Variants in SLC16A2 observed in about 807,000 individuals in gnomAD.
SLC16A2 encodes monocarboxylate transporter 8.
Under a neutral mutation model 27.2 loss-of-function variants are expected in SLC16A2, and 3 were observed. The observed-to-expected ratio is 0.11, with a 90% CI of 0.05 to 0.28. The LOEUF (loss-of-function observed/expected upper bound fraction) is 0.28. Among genes scored for constraint, SLC16A2 ranks in the 10% least tolerant of loss-of-function variants. The probability of loss-of-function intolerance (pLI) is 1.00; values close to 1 mark genes in which losing one functional copy is unlikely to be tolerated. For synonymous variants in SLC16A2, 202 were observed against 187.8 expected (o/e 1.08, Z -0.62); for missense variants, 295 against 458.5 (o/e 0.64, Z 3.26).
intron 1 of SLC16A2, among the ~76,000 whole-genome samples, chrX:74,499,746 G>A (rs1370566261): frequency 4.5e-5 from 5 of 111,509 alleles, no homozygotes; most frequent in South Asian, 3.7e-4. Flanking sequence ...GAGCCACCAC[G>A]CCCCATCATC....
intron 1 of SLC16A2, among the ~76,000 whole-genome samples, chrX:74,471,574 C>T (rs1045794658): frequency 4.5e-5 from 5 of 112,015 alleles, no homozygotes; most frequent in Admixed American, 1.9e-4. Flanking sequence ...TATTTTCTCT[C>T]ATTCTGTGTG....
At chrX:74,448,639 A>T (rs1309093352) in intron 1 of SLC16A2, among the ~76,000 whole-genome samples, 1 of 110,323 alleles carries the variant, frequency 9.1e-6, no homozygotes, top group African/African-American at 3.3e-5. Flanking sequence ...GTTTCCAGGG[A>T]CCATGGGTTG....
chrX:74,483,273 C>T (rs1182395473), intron 1 of SLC16A2, among the ~76,000 whole-genome samples: 2 of 111,548 alleles, frequency 1.8e-5, no homozygotes, highest in Non-Finnish European at 3.8e-5. Flanking sequence ...AATATCACTA[C>T]CAGCTATTAG....
chrX:74,475,500 C>G (rs1480932514), intron 1 of SLC16A2, among the ~76,000 whole-genome samples: 1 of 109,293 alleles, frequency 9.1e-6, no homozygotes. Flanking sequence ...TCCCATTTGT[C>G]AATTTTGGCT....
At chrX:74,482,125 A>G (rs755007233) in intron 1 of SLC16A2, among the ~76,000 whole-genome samples, 6 of 110,833 alleles carry the variant, frequency 5.4e-5, no homozygotes, top group African/African-American at 1.6e-4. Context: ...TCATTCCTCT[A>G]TGTCTTTTAG....
Position 74,524,687 on chromosome X carries a change from C to T in SLC16A2, c.904C>T (p.Arg302Cys), listed in dbSNP as rs767519023. The T allele has an allele frequency of 4.1e-6, 5 of 1,211,896 alleles. No homozygotes were observed. The highest frequency in any genetic ancestry group is 4.3e-5 in the Admixed American group (2 of 46,071). ...SKRGVRTLHQ[R>C]FLAQLRKYFN... The stretch of plus-strand genomic sequence containing the variant: ...GAGAGGTGTCCGCACCCTGCACCAG[C>T]GCTTTCTGGCTCAGCTCAGGAAGTA... Residue 302 changes from arginine (R) to cysteine (C), a missense_variant, in exon 3 of 6, where the codon CGC becomes TGC. Physicochemically the swap from Arg to Cys is radical, Grantham distance 180. Around this residue, in one of 3 missense-constraint regions of SLC16A2, gnomAD observed 144 missense variants for 219.8 expected, o/e 0.66. Transcript: ENST00000587091.
chrX:74,443,170 A>G (rs779247851), intron 1 of SLC16A2, among the ~76,000 whole-genome samples: 5 of 111,147 alleles, frequency 4.5e-5, no homozygotes, highest in Admixed American at 9.6e-5. Flanking sequence ...TTTTTCACAC[A>G]TTAGAGTATT....
At chrX:74,470,050 A>T (rs2147851909) in intron 1 of SLC16A2, among the ~76,000 whole-genome samples, 1 of 111,659 alleles carries the variant, frequency 9.0e-6, no homozygotes, top group African/African-American at 3.2e-5. Context: ...CCAGAATATC[A>T]TCTGATTGGA....
At chrX:74,439,891 G>T (rs181185805) in intron 1 of SLC16A2, among the ~76,000 whole-genome samples, 3 of 111,283 alleles carry the variant, frequency 2.7e-5, no homozygotes, top group African/African-American at 9.8e-5. Flanking sequence ...GAAAAGTTAC[G>T]CCCACTTTGA....
At chrX:74,521,537 A>G (rs1023307322) in intron 2 of SLC16A2, among the ~76,000 whole-genome samples, 1 of 112,183 alleles carries the variant, frequency 8.9e-6, no homozygotes, top group African/African-American at 3.2e-5. Flanking sequence ...CAACTCTGCT[A>G]TTTGATTCCC....
Position 74,531,877 on chromosome X carries a change from G to T in SLC16A2, c.*324G>T, listed in dbSNP as rs1229317799. 2 of 340,829 alleles carry T rather than the reference G, an allele frequency of 5.9e-6. No individual in the cohort carries two copies. The highest frequency in any genetic ancestry group is 5.2e-6 in the Non-Finnish European group (1 of 190,703). The allele number at this position is 340,829 out of a possible 1,213,427, so 28.1% of individuals were successfully genotyped here. ...GGATGGGACCTCCTGGACCCAGCTT[G>T]TTAGTCACCCACTATAATCAACTGC... On this transcript the variant is annotated 3_prime_UTR_variant, in exon 6 of 6. Coordinates refer to ENST00000587091, the MANE Select transcript of SLC16A2 (RefSeq NM_006517.5).
intron 1 of SLC16A2, among the ~76,000 whole-genome samples, chrX:74,459,746 A>G (rs781641734): frequency 4.8e-4 from 53 of 111,344 alleles, no homozygotes; most frequent in Non-Finnish European, 9.0e-4. Flanking sequence ...TCCAACTCCT[A>G]CCTCACCTCC....
chrX:74,503,383 C>T (rs1047930014), intron 1 of SLC16A2, among the ~76,000 whole-genome samples: 5 of 111,637 alleles, frequency 4.5e-5, no homozygotes, highest in Admixed American at 3.8e-4. Context: ...AAGTTAAGAA[C>T]TTCAGGAGTG....
chrX:74,439,186 T>TTCTTTCTTTTTC (rs1555981279), intron 1 of SLC16A2, among the ~76,000 whole-genome samples: 1 of 51,485 alleles, frequency 1.9e-5, no homozygotes, highest in African/African-American at 1.4e-4. Flanking sequence ...CTTTCTTTCT[T>TTCTTTCTTTTTC]TTTCTTTCTT....
intron 1 of SLC16A2, among the ~76,000 whole-genome samples, chrX:74,499,795 G>T (rs766527613): frequency 9.0e-6 from 1 of 111,098 alleles, no homozygotes; most frequent in Non-Finnish European, 1.9e-5. Context: ...TTTTTTACTG[G>T]TATTATCCAA....
At chrX:74,495,726 T>C (rs1056605600) in intron 1 of SLC16A2, among the ~76,000 whole-genome samples, 7 of 110,990 alleles carry the variant, frequency 6.3e-5, no homozygotes, top group African/African-American at 2.3e-4. Flanking sequence ...CCTTGGTAAA[T>C]GGTTTCTGGT....
At position 74,422,154 on chromosome X, in the gene SLC16A2, C is replaced by G. The variant is rs1340210834; in HGVS notation, c.430+87C>G. On this transcript the variant is annotated intron_variant, in intron 1 of 5. Transcript: ENST00000587091. ...CGACCCCATACCTCCCGGTCCGAGG[C>G]GCCCCTCCAACGCGCCTCTCCGACT... 3.1e-6 allele frequency: 3 copies of G among 960,765 alleles called. No individual in the cohort carries two copies. In the African/African-American group the frequency reaches 5.7e-5, roughly 18 times the overall value. 79.2% of individuals were successfully genotyped at this position (960,765 alleles called of 1,213,427 possible).
intron 1 of SLC16A2, among the ~76,000 whole-genome samples, chrX:74,442,816 GC>G (rs1322049198): frequency 9.0e-6 from 1 of 111,406 alleles, no homozygotes; most frequent in African/African-American, 3.3e-5. Flanking sequence ...AATTAGCCAG[GC>G]CTGGTGGCAC....
chrX:74,472,143 G>C (rs1446725340), intron 1 of SLC16A2, among the ~76,000 whole-genome samples: 1 of 111,798 alleles, frequency 8.9e-6, no homozygotes, highest in Non-Finnish European at 1.9e-5. Flanking sequence ...AACTTTAGGG[G>C]ACAAATATCT....
Sources: gnomAD v4.1 joint callset for allele counts (sites outside exome capture counted in the v4.1 genomes callset) on GRCh38, gnomAD v4.1.1 for gene constraint, gnomAD v4.1.1 regional missense constraint, MANE v1.5 for transcripts, NCBI Gene and HGNC (gene_info 2026-07-23, HGNC 2026-07-21) for gene names.